ACSM2B: variants seen among roughly 807,000 people sequenced by gnomAD.
The protein encoded by ACSM2B is acyl-coenzyme A synthetase ACSM2B, mitochondrial.
A neutral mutation model predicts 78.6 loss-of-function variants in ACSM2B; 58 were observed. The observed-to-expected ratio is 0.74, with a 90% confidence interval of 0.60 to 0.92. The LOEUF is 0.92. ACSM2B is among the 40% of genes least tolerant of loss of function. ACSM2B has a pLI of 0.00. For missense variants in ACSM2B, 688 were observed against 711.2 expected, an observed-to-expected ratio of 0.97 and a Z score of 0.37; for synonymous variants, 257 against 256.8, an observed-to-expected ratio of 1.00 and a Z score of -0.01.
intron 13 of ACSM2B, among the ~76,000 whole-genome samples, chr16:20,537,824 A>T (rs543061727): frequency 2.0e-5 from 3 of 152,320 alleles, no homozygotes; most frequent in Non-Finnish European, 4.4e-5. Flanking sequence ...CTGAAAAATA[A>T]TAGCTGTGGT....
chr16:20,570,864 C>T (rs1048093439), intron 1 of ACSM2B, among the ~76,000 whole-genome samples: 1 of 151,706 alleles, frequency 6.6e-6, no homozygotes, highest in Non-Finnish European at 1.5e-5. Flanking sequence ...GTGCATAAAG[C>T]TGTTTGTAGT....
Position 20,565,361 on chromosome 16 carries a change from C to G in ACSM2B, c.-8-508G>C, listed in dbSNP as rs147843373. 3.0e-4 allele frequency among the ~76,000 whole-genome samples: 45 copies of G among 152,202 alleles called. No homozygotes were observed. In the East Asian group the frequency reaches 7.5e-3, roughly 26 times the overall value. On this transcript the variant is annotated intron_variant, in intron 1 of 13. Transcript: ENST00000329697. ...GTTCATCAGAAACTCTCACATTTCTCCCCTCTGCATGAGACTTGCATAACC... is the reference window on the plus strand; with the variant it reads ...GTTCATCAGAAACTCTCACATTTCTGCCCTCTGCATGAGACTTGCATAACC...
chr16:20,572,024 T>C (rs530890627), intron 1 of ACSM2B, among the ~76,000 whole-genome samples: 1 of 150,588 alleles, frequency 6.6e-6, no homozygotes, highest in East Asian at 2.0e-4. Flanking sequence ...TTATCAATAA[T>C]GCAATTCTGT....
At chr16:20,562,122 T>G (rs547151672) in intron 2 of ACSM2B, among the ~76,000 whole-genome samples, 18 of 150,666 alleles carry the variant, frequency 1.2e-4, no homozygotes, top group East Asian at 7.7e-4. Context: ...TGATTTTAAG[T>G]TTTTTTTGGT....
intron 1 of ACSM2B, among the ~76,000 whole-genome samples, chr16:20,571,238 G>A (rs1273660163): frequency 1.3e-5 from 2 of 151,942 alleles, no homozygotes; most frequent in Non-Finnish European, 2.9e-5. Flanking sequence ...TACCATCTTT[G>A]CTGTATCCTA....
rs1218042747 is a variant in ACSM2B at position 20,568,304 on chromosome 16, A to G, written c.-8-3451T>C. ...ATAGATATATATAAAATATATACAT[A>G]CTATTATATATTATATACAATTATA... On this transcript the variant is annotated intron_variant, in intron 1 of 13. Coordinates refer to ENST00000329697, the MANE Select transcript of ACSM2B (RefSeq NM_001105069.2). Among the ~76,000 whole-genome samples, 7 of 144,728 alleles carry G rather than the reference A, an allele frequency of 4.8e-5. No individual in the cohort carries two copies. In the Admixed American group the frequency reaches 5.0e-4, roughly 10 times the overall value. The allele number at this position is 144,728 out of a possible 152,430, so 94.9% of individuals were successfully genotyped here. A position where few individuals can be genotyped will look rare whatever the true frequency, so the allele number is the denominator to read the frequency against.
chr16:20,559,540 G>T, intron 2 of ACSM2B, 93 bp from the exon 3 acceptor site: 1 of 1,479,766 alleles, frequency 6.8e-7, no homozygotes, highest in Non-Finnish European at 9.0e-7. Flanking sequence ...CTGGTGCTTA[G>T]TAAGGTTTTT....
intron 1 of ACSM2B, among the ~76,000 whole-genome samples, chr16:20,572,435 A>G (rs2016115405): frequency 7.3e-6 from 1 of 137,198 alleles, no homozygotes; most frequent in Admixed American, 7.0e-5. Flanking sequence ...ATTTCTGCTG[A>G]GAAATCTGCT....
Position 20,555,428 on chromosome 16 carries a change from A to G in ACSM2B, c.437T>C (p.Leu146Pro). Residue 146 changes from leucine to proline, a missense_variant, in exon 4 of 14, where the codon CTG (leucine) becomes CCG (proline). Transcript: ENST00000329697. ...GGCCTTAGACATCTGCAACCTATACAGTATGTCAGTGGATTTCATCTGGAT... is the reference window on the plus strand; with the variant it reads ...GGCCTTAGACATCTGCAACCTATACGGTATGTCAGTGGATTTCATCTGGAT... ...GTIQMKSTDILYRLQMSKAKA... is the reference protein window; with the variant it reads ...GTIQMKSTDIPYRLQMSKAKA... The G allele has an allele frequency of 6.2e-7, 1 of 1,613,790 alleles. No individual in the cohort carries two copies. The highest frequency in any genetic ancestry group is 8.5e-7 in the Non-Finnish European group (1 of 1,179,716).
At chr16:20,554,234 C>T (rs1405297290) in intron 4 of ACSM2B, 1 of 497,208 alleles carries the variant, frequency 2.0e-6, no homozygotes, top group Non-Finnish European at 3.8e-6. Flanking sequence ...ACTCTGCCAC[C>T]AAAGAAATGA....
chr16:20,561,614 C>T (rs914094119), intron 2 of ACSM2B, among the ~76,000 whole-genome samples: 5 of 151,992 alleles, frequency 3.3e-5, no homozygotes, highest in Non-Finnish European at 7.4e-5. Flanking sequence ...AACAAATATC[C>T]AAACTATGTC....
chr16:20,538,739 A>T (rs934840709), intron 13 of ACSM2B, among the ~76,000 whole-genome samples: 2 of 152,124 alleles, frequency 1.3e-5, no homozygotes, highest in Admixed American at 1.3e-4. Context: ...TTAAACGTTC[A>T]GCATTATTCT....
intron 9 of ACSM2B, among the ~76,000 whole-genome samples, chr16:20,546,187 G>T (rs1426575773): frequency 6.6e-6 from 1 of 152,014 alleles, no homozygotes; most frequent in East Asian, 1.9e-4. Context: ...AGTCCTTCTG[G>T]ATGGTAAGAA....
At position 20,540,610 on chromosome 16, in the gene ACSM2B, T is replaced by A. The variant is rs1193630238; in HGVS notation, c.1629+44A>T. The A allele has an allele frequency of 1.2e-5, 19 of 1,602,712 alleles. No individual in the cohort carries two copies. In the Admixed American group the frequency reaches 3.3e-4, roughly 27 times the overall value. ...GAAGATAAATATAACAGGAAAACAA[T>A]CTATTTCTCAAGTTTGAGTGACTTG... On this transcript the variant is annotated intron_variant, in intron 13 of 13. Transcript: ENST00000329697.
chr16:20,553,576 C>A (rs771407697), intron 5 of ACSM2B, among the ~76,000 whole-genome samples: 1 of 152,116 alleles, frequency 6.6e-6, no homozygotes, highest in Non-Finnish European at 1.5e-5. Flanking sequence ...GTTTTGAGAC[C>A]CTGTGTTATC....
intron 1 of ACSM2B, chr16:20,575,482 A>AG (rs1405069676): frequency 1.3e-5 from 2 of 151,856 alleles, no homozygotes; most frequent in Non-Finnish European, 2.9e-5. Context: ...AGCCAGTTTG[A>AG]GTTCCAAAAC....
Position 20,555,416 on chromosome 16 carries a change from T to C in ACSM2B, c.449A>G (p.Gln150Arg). Residue 150 changes from glutamine (Q) to arginine (R), a missense_variant, in exon 4 of 14, where the codon CAG becomes CGG. Physicochemically the swap from Gln to Arg is conservative, Grantham distance 43 (BLOSUM62 1). Transcript: ENST00000329697. Reference protein sequence around the residue: ...MKSTDILYRLQMSKAKAIVAG... With the variant: ...MKSTDILYRLRMSKAKAIVAG... Reference sequence around the variant, plus strand: ...AACAATAGCCTTGGCCTTAGACATCTGCAACCTATACAGTATGTCAGTGGA... The same window carrying C: ...AACAATAGCCTTGGCCTTAGACATCCGCAACCTATACAGTATGTCAGTGGA... 6.2e-7 allele frequency: 1 copy of C among 1,613,940 alleles called. No homozygotes were observed. Among genetic ancestry groups the C allele is most frequent in the East Asian group, 2.2e-5 (1 of 44,870 alleles).
chr16:20,536,997 T>C lies in ACSM2B; in HGVS notation c.*261A>G, dbSNP rs1326850283. ...CTTTATTTCTTTTTCAATTGCTTTC[T>C]CTTGCAGTTTTTAACATTTCCCTGA... On this transcript the variant is annotated 3_prime_UTR_variant, in exon 14 of 14. Coordinates refer to ENST00000329697, the MANE Select transcript of ACSM2B (RefSeq NM_001105069.2). 2.9e-6 allele frequency: 1 copy of C among 349,972 alleles called. No homozygotes were observed. Among genetic ancestry groups the C allele is most frequent in the Non-Finnish European group, 5.1e-6 (1 of 196,512 alleles). The allele number at this position is 349,972 out of a possible 1,614,324, so 21.7% of individuals were successfully genotyped here.
intron 1 of ACSM2B, among the ~76,000 whole-genome samples, chr16:20,567,963 A>T (rs1447435764): frequency 7.0e-6 from 1 of 143,418 alleles, no homozygotes; most frequent in African/African-American, 2.5e-5. Flanking sequence ...ATATTTAAAA[A>T]TATTTTATAT....
Sources: gnomAD v4.1 joint callset for allele counts (sites outside exome capture counted in the v4.1 genomes callset) on GRCh38, gnomAD v4.1.1 for gene constraint, MANE v1.5 for transcripts, NCBI Gene and HGNC (gene_info 2026-07-23, HGNC 2026-07-21) for gene names.